Variants in SSC4D observed in about 807,000 individuals in gnomAD.
The protein encoded by SSC4D is scavenger receptor cysteine-rich domain-containing group B protein.
A neutral mutation model predicts 63.4 loss-of-function variants in SSC4D; 57 were observed. The observed-to-expected ratio is 0.90, with a 90% confidence interval of 0.73 to 1.12. The LOEUF is 1.12. Ranked by LOEUF, SSC4D falls within the 50% of genes most tolerant of loss-of-function variation. SSC4D has a pLI of 0.00. For missense variants in SSC4D, 791 were observed against 806.4 expected, an observed-to-expected ratio of 0.98 and a Z score of 0.23; for synonymous variants, 352 against 345.4, an observed-to-expected ratio of 1.02 and a Z score of -0.21.
At chr7:76,403,952 C>T (rs751241922) in intron 2 of SSC4D, among the ~76,000 whole-genome samples, 1 of 152,112 alleles carries the variant, frequency 6.6e-6, no homozygotes, top group East Asian at 1.9e-4. Flanking sequence ...TGTGAGTCAC[C>T]GAGCCCGGCC....
intron 9 of SSC4D, among the ~76,000 whole-genome samples, chr7:76,393,029 C>G (rs922150084): frequency 2.6e-5 from 4 of 152,202 alleles, no homozygotes; most frequent in Non-Finnish European, 4.4e-5. Context: ...AAGGGTGATC[C>G]ACTCTCTGCT....
Position 76,391,984 on chromosome 7 carries a change from G to C in SSC4D, c.1391C>G (p.Pro464Arg). 6.3e-7 allele frequency: 1 copy of C among 1,595,292 alleles called. No individual in the cohort carries two copies. Residue 464 changes from proline (P) to arginine (R), a missense_variant, in exon 10 of 11, where the codon CCC becomes CGC. Transcript: ENST00000275560. ...QQDGSETTRV[P>R]TPRPRDGHLR... ...CCTACCGTCCCTGGGCCGAGGAGTG[G>C]GCACCCGCGTGGTCTCAGAACCATC... is the stretch of plus-strand genomic sequence containing the variant.
chr7:76,393,302 G>C (rs1804538647), intron 9 of SSC4D, 103 bp downstream of exon 9: 1 of 1,185,794 alleles, frequency 8.4e-7, no homozygotes, highest in African/African-American at 1.6e-5. Flanking sequence ...TGCTCCCCGG[G>C]CGGCAGTGCC....
intron 2 of SSC4D, 105 bp from the exon 3 acceptor site, chr7:76,401,148 C>T: frequency 1.4e-6 from 2 of 1,382,800 alleles, no homozygotes; most frequent in Non-Finnish European, 1.9e-6. Flanking sequence ...TTACCCCCAT[C>T]TTCTTGGACT....
chr7:76,402,645 G>A (rs1272861875), intron 2 of SSC4D, among the ~76,000 whole-genome samples: 1 of 152,010 alleles, frequency 6.6e-6, no homozygotes, highest in Non-Finnish European at 1.5e-5. Context: ...CAGCCATCAT[G>A]TATGTCCTCA....
At chr7:76,392,348 T>C (rs1295417055) in intron 9 of SSC4D, among the ~76,000 whole-genome samples, 1 of 151,820 alleles carries the variant, frequency 6.6e-6, no homozygotes, top group Non-Finnish European at 1.5e-5. Flanking sequence ...CAGGAGTTCG[T>C]AGACCAGCCT....
intron 2 of SSC4D, among the ~76,000 whole-genome samples, chr7:76,401,611 T>A (rs960383731): frequency 6.6e-6 from 1 of 152,136 alleles, no homozygotes; most frequent in Non-Finnish European, 1.5e-5. Context: ...GAGATGGGGT[T>A]TCGCCATGTT....
rs369795905 is a variant in SSC4D, at chr7:76,393,396, C to A, written c.1333+9G>T. On this transcript the variant is annotated intron_variant, in intron 9 of 10. Coordinates refer to ENST00000275560, the MANE Select transcript of SSC4D (RefSeq NM_080744.2). Reference sequence around the variant, plus strand: ...CCGCTGTCAGCCTCACCTTCGCTGTCAGCCTCACCTGCGCAGAGCGCTCCC... The same window carrying A: ...CCGCTGTCAGCCTCACCTTCGCTGTAAGCCTCACCTGCGCAGAGCGCTCCC... The A allele has an allele frequency of 7.2e-7, 1 of 1,386,090 alleles. No homozygotes were observed. The highest frequency in any genetic ancestry group is 9.3e-7 in the Non-Finnish European group (1 of 1,069,950). The allele number at this position is 1,386,090 out of a possible 1,614,324, so 85.9% of individuals were successfully genotyped here. A position where few individuals can be genotyped will look rare whatever the true frequency, so the allele number is the denominator to read the frequency against.
intron 1 of SSC4D, among the ~76,000 whole-genome samples, chr7:76,406,517 TCTGTCACCCAGGCGG>T (rs1285561761): frequency 6.6e-6 from 1 of 152,036 alleles, no homozygotes; most frequent in Non-Finnish European, 1.5e-5. Context: ...AGGGTCTCAC[TCTGTCACCCAGGCGG>T]CAGTGCAGTG....
chr7:76,393,558 T>C lies in SSC4D; in HGVS notation c.1180A>G (p.Thr394Ala). The C allele has an allele frequency of 6.6e-7, 1 of 1,519,282 alleles. No individual in the cohort carries two copies. Among genetic ancestry groups the C allele is most frequent in the Non-Finnish European group, 8.8e-7 (1 of 1,140,386 alleles). The allele number at this position is 1,519,282 out of a possible 1,614,324, so 94.1% of individuals were successfully genotyped here. The change falls in exon 9 of 11, where the codon ACG becomes GCG. Residue 394 changes from threonine (T) to alanine (A), a missense_variant. Physicochemically the swap from Thr to Ala is moderately conservative, Grantham distance 58. Transcript: ENST00000275560. ...CCGTAGCCGAAGTGGCCCAGTCCCG[T>C]AGCGCCCAGCGCAGGCCCGCAGCCC... is the stretch of plus-strand genomic sequence containing the variant. ...EAGCGPALGA[T>A]GLGHFGYGRG...
Position 76,403,851 on chromosome 7 carries a change from G to A in SSC4D, c.133+456C>T, listed in dbSNP as rs951065408. ...TAATTTTTGTATTTTTAGTAGGGAC[G>A]CGGGTTTCACCATGTTGGCCAGGCT... On this transcript the variant is annotated intron_variant, in intron 2 of 10. Coordinates refer to ENST00000275560, the MANE Select transcript of SSC4D (RefSeq NM_080744.2). Among the ~76,000 whole-genome samples the A allele has an allele frequency of 2.0e-5, 3 of 149,724 alleles. No homozygotes were observed. The East Asian group carries it at 5.9e-4, about 30-fold the overall frequency.
intron 2 of SSC4D, 59 bp from the exon 3 acceptor site, chr7:76,401,102 C>T (rs1804812151): frequency 1.5e-5 from 22 of 1,484,264 alleles, no homozygotes; most frequent in East Asian, 2.6e-5. Context: ...TCCCTGGTCC[C>T]AGGAACACAC....
chr7:76,405,323 T>TTTCTTTCTTTC (rs1554622698), intron 1 of SSC4D, among the ~76,000 whole-genome samples: 6 of 29,176 alleles, frequency 2.1e-4, no homozygotes, highest in Admixed American at 6.7e-4. Context: ...ATATGTATTT[T>TTTCTTTCTTTC]TTTCTTTCTT....
At chr7:76,390,850 G>A (rs755903887) in intron 10 of SSC4D, among the ~76,000 whole-genome samples, 7 of 151,508 alleles carry the variant, frequency 4.6e-5, no homozygotes, top group Non-Finnish European at 8.8e-5. Flanking sequence ...CGCTAGGTGC[G>A]GTGGCTCATG....
At chr7:76,406,635 C>T (rs958535468) in intron 1 of SSC4D, among the ~76,000 whole-genome samples, 1 of 151,958 alleles carries the variant, frequency 6.6e-6, no homozygotes, top group Non-Finnish European at 1.5e-5. Flanking sequence ...AGGCTTGCAC[C>T]ACCACACCCA....
chr7:76,394,748 AATATAT>A lies in SSC4D; in HGVS notation c.946+499_946+504del, dbSNP rs35943058. ...TGGCAATTTAAATATATGTATGTAT[AATATAT>A]ATATATATATATATAAAATATGTAT... On this transcript the variant is annotated intron_variant, in intron 7 of 10. Transcript: ENST00000275560. 9.6e-3 allele frequency among the ~76,000 whole-genome samples: 1,262 copies of A among 131,286 alleles called. 19 individuals carry two copies. The highest frequency in any genetic ancestry group is 0.032 in the African/African-American group (1,080 of 33,770). The allele number at this position is 131,286 out of a possible 152,430, so 86.1% of individuals were successfully genotyped here.
At position 76,405,300 on chromosome 7, in the gene SSC4D, TA is replaced by T. The variant is rs1262162891; in HGVS notation, c.-66-796del. Among the ~76,000 whole-genome samples, 267 of 56,796 alleles carry T rather than the reference TA, an allele frequency of 4.7e-3. 1 individual carries two copies. The highest frequency in any genetic ancestry group is 8.7e-3 in the African/African-American group (111 of 12,798). 37.3% of individuals were successfully genotyped at this position (56,796 alleles called of 152,430 possible). On this transcript the variant is annotated intron_variant, in intron 1 of 10. Transcript: ENST00000275560. ...ATATATATATATATATATATATATA[TA>T]TATATATATATATATGTATTTTTTT...
At chr7:76,398,673 G>A in intron 5 of SSC4D, 47 bp downstream of exon 5, 1 of 1,585,518 alleles carries the variant, frequency 6.3e-7, no homozygotes, top group South Asian at 1.1e-5. Flanking sequence ...GGGTGTGAGA[G>A]ACTCCTCTCC....
Position 76,390,001 on chromosome 7 carries a change from G to A in SSC4D, c.*58C>T, listed in dbSNP as rs1224540395. The A allele has an allele frequency of 6.2e-7, 1 of 1,601,202 alleles. No homozygotes were observed. Among genetic ancestry groups the A allele is most frequent in the Non-Finnish European group, 8.5e-7 (1 of 1,170,540 alleles). On this transcript the variant is annotated 3_prime_UTR_variant, in exon 11 of 11. Coordinates refer to ENST00000275560, the MANE Select transcript of SSC4D (RefSeq NM_080744.2). ...GTCATCACAAGAGGAGGGCTTCCTG[G>A]AGGAGGAAGGGAGGTCACAGCTCCC...
Sources: allele counts gnomAD v4.1 joint callset (sites outside exome capture counted in the v4.1 genomes callset), GRCh38; gene constraint gnomAD v4.1.1; transcripts MANE v1.5; gene names NCBI Gene and HGNC (gene_info 2026-07-23, HGNC 2026-07-21).